Variants in PCDHA8 observed in about 807,000 individuals in gnomAD.
PCDHA8 encodes the protein protocadherin alpha-8.
In PCDHA8, 53 loss-of-function variants were observed where a neutral mutation model predicts 61.8. That is an observed-to-expected ratio of 0.86 (90% CI 0.69 to 1.08). PCDHA8 has a LOEUF of 1.08. Among genes scored for constraint, PCDHA8 ranks in the 50% least tolerant of loss-of-function variants. The pLI, the probability that PCDHA8 is intolerant of heterozygous loss-of-function variation, is 0.00. For synonymous variants in PCDHA8, 618 were observed against 556.6 expected, an observed-to-expected ratio of 1.11 and a Z score of -1.55; for missense variants, 1,293 against 1,245.0, an observed-to-expected ratio of 1.04 and a Z score of -0.58.
intron 1 of PCDHA8, among the ~76,000 whole-genome samples, chr5:140,949,692 T>A (rs1563239592): frequency 6.6e-6 from 1 of 151,854 alleles, no homozygotes; most frequent in Non-Finnish European, 1.5e-5. Flanking sequence ...AGCGTATTGT[T>A]GGATCTTGCT....
chr5:140,951,716 C>T (rs2094623458), intron 1 of PCDHA8, among the ~76,000 whole-genome samples: 1 of 152,102 alleles, frequency 6.6e-6, no homozygotes, highest in South Asian at 2.1e-4. Flanking sequence ...GGACACAGAT[C>T]CAAACCATGT....
chr5:140,849,974 G>C lies in PCDHA8; in HGVS notation c.2394+6259G>C, dbSNP rs190398483. The C allele has an allele frequency of 8.8e-6, 14 of 1,597,556 alleles. 2 individuals are homozygous for C. In the South Asian group the frequency reaches 1.4e-4, roughly 16 times the overall value. ...AGGAGAACGCCCTGGTGTCCTACTC[G>C]CTGGTGGAGCGGCGGTTGGGCGAGC... is the stretch of plus-strand genomic sequence containing the variant. On this transcript the variant is annotated intron_variant, in intron 1 of 3. Transcript: ENST00000531613.
chr5:140,995,073 CA>C (rs537697820), intron 3 of PCDHA8, among the ~76,000 whole-genome samples: 319 of 152,298 alleles, frequency 2.1e-3, no homozygotes, highest in African/African-American at 7.3e-3. Flanking sequence ...CAACCTACAG[CA>C]ATCCAAACTT....
chr5:140,954,057 A>C (rs1554221238), intron 1 of PCDHA8, among the ~76,000 whole-genome samples: 1 of 152,112 alleles, frequency 6.6e-6, no homozygotes, highest in Admixed American at 6.5e-5. Flanking sequence ...TTCCTGCATT[A>C]TTATGCTGAG....
intron 1 of PCDHA8, among the ~76,000 whole-genome samples, chr5:140,916,967 G>A (rs1215722713): frequency 2.6e-5 from 4 of 152,194 alleles, no homozygotes; most frequent in African/African-American, 9.7e-5. Context: ...TGACTGCTGG[G>A]ATGAGTGATT....
intron 1 of PCDHA8, among the ~76,000 whole-genome samples, chr5:140,950,741 C>A (rs149114023): frequency 1.3e-5 from 2 of 152,006 alleles, no homozygotes; most frequent in African/African-American, 4.8e-5. Flanking sequence ...ATCCTAATTT[C>A]TCTCTATCCT....
At chr5:140,850,996 T>A (rs2150505224) in intron 1 of PCDHA8, 3 of 1,441,956 alleles carry the variant, frequency 2.1e-6, no homozygotes, top group South Asian at 1.6e-5. Flanking sequence ...TTTCTAGAAA[T>A]CCAGCAGATT....
intron 1 of PCDHA8, chr5:140,882,580 C>T (rs371338305): frequency 1.2e-6 from 2 of 1,614,126 alleles, no homozygotes; most frequent in African/African-American, 2.7e-5. Context: ...AGTGCAGCAT[C>T]CACCTGGAGG....
chr5:140,928,645 G>A (rs782494285), intron 1 of PCDHA8: 4 of 1,614,084 alleles, frequency 2.5e-6, no homozygotes, highest in Non-Finnish European at 2.5e-6. Context: ...AAAAGTGGTA[G>A]CAGAGGATGC....
At chr5:140,871,299 G>C (rs782459625) in intron 1 of PCDHA8, 1 of 1,613,916 alleles carries the variant, frequency 6.2e-7, no homozygotes, top group Non-Finnish European at 8.5e-7. Context: ...GCGCGTGCGC[G>C]CCGGGGAAGC....
chr5:140,902,846 A>C (rs1119032), intron 1 of PCDHA8, among the ~76,000 whole-genome samples: 2 of 152,088 alleles, frequency 1.3e-5, no homozygotes, highest in African/African-American at 2.4e-5. Context: ...CTTCACTTAG[A>C]AAAATGGCGT....
At chr5:140,982,191 T>C (rs1431582069) in intron 2 of PCDHA8, among the ~76,000 whole-genome samples, 2 of 152,266 alleles carry the variant, frequency 1.3e-5, no homozygotes, top group Non-Finnish European at 2.9e-5. Flanking sequence ...ATGGGCTTCC[T>C]GTTAGATTTA....
At chr5:140,922,735 G>A (rs1370700616) in intron 1 of PCDHA8, among the ~76,000 whole-genome samples, 2 of 152,078 alleles carry the variant, frequency 1.3e-5, no homozygotes, top group Admixed American at 1.3e-4. Flanking sequence ...ACAAGGTTGA[G>A]AAAAATAAAT....
chr5:140,944,209 A>T (rs1003348568), intron 1 of PCDHA8, among the ~76,000 whole-genome samples: 5 of 152,298 alleles, frequency 3.3e-5, no homozygotes, highest in Non-Finnish European at 5.9e-5. Flanking sequence ...TTGTTTTTAA[A>T]GAGGGTTTTA....
intron 1 of PCDHA8, chr5:140,847,658 T>C (rs1554141863): frequency 6.7e-6 from 1 of 149,650 alleles, no homozygotes; most frequent in East Asian, 1.9e-4. Context: ...TATTCATAGA[T>C]TATAAAGCTT....
chr5:140,920,403 T>A (rs1440027208), intron 1 of PCDHA8, among the ~76,000 whole-genome samples: 3 of 152,356 alleles, frequency 2.0e-5, no homozygotes, highest in South Asian at 2.1e-4. Context: ...TGTCTTTTTT[T>A]AATCAGATAC....
intron 1 of PCDHA8, chr5:140,875,596 G>C (rs1554167787): frequency 1.9e-6 from 3 of 1,613,938 alleles, no homozygotes; most frequent in African/African-American, 2.7e-5. Flanking sequence ...GGCCAAACAC[G>C]GCACCTTCGT....
intron 1 of PCDHA8, among the ~76,000 whole-genome samples, chr5:140,874,530 G>A (rs1332198120): frequency 1.3e-5 from 2 of 152,200 alleles, no homozygotes; most frequent in Admixed American, 1.3e-4. Flanking sequence ...ATGAGATTAG[G>A]CTCCAAAACC....
intron 3 of PCDHA8, among the ~76,000 whole-genome samples, chr5:140,993,560 A>G (rs2097572904): frequency 6.6e-6 from 1 of 151,740 alleles, no homozygotes; most frequent in Non-Finnish European, 1.5e-5. Context: ...AGTATATAGT[A>G]TCCTTTCTAG....
Sources: allele counts gnomAD v4.1 joint callset (sites outside exome capture counted in the v4.1 genomes callset), GRCh38; gene constraint gnomAD v4.1.1; transcripts MANE v1.5; gene names NCBI Gene and HGNC (gene_info 2026-07-23, HGNC 2026-07-21).